LRRC4C: variants seen among roughly 807,000 people sequenced by gnomAD.
The protein encoded by LRRC4C is leucine-rich repeat-containing protein 4C.
Under a neutral mutation model 33.6 loss-of-function variants are expected in LRRC4C, and 5 were observed. The observed-to-expected ratio is 0.15, with a 90% CI of 0.08 to 0.31. The LOEUF is 0.31. Ranked by LOEUF, LRRC4C falls within the 10% of genes least tolerant of loss-of-function variation. The pLI, the probability that LRRC4C is intolerant of heterozygous loss-of-function variation, is 1.00. For synonymous variants in LRRC4C, 329 were observed against 302.0 expected, an observed-to-expected ratio of 1.09 and a Z score of -0.93; for missense variants, 560 against 796.7, an observed-to-expected ratio of 0.70 and a Z score of 3.58.
At chr11:40,182,416 A>G (rs1861082121) in intron 5 of LRRC4C, among the ~76,000 whole-genome samples, 1 of 152,174 alleles carries the variant, frequency 6.6e-6, no homozygotes, top group Non-Finnish European at 1.5e-5. Flanking sequence ...ATAAAAAAAG[A>G]GTTACTGTAT....
At chr11:40,757,983 A>T (rs1026985075) in intron 2 of LRRC4C, among the ~76,000 whole-genome samples, 6 of 152,044 alleles carry the variant, frequency 3.9e-5, no homozygotes, top group Non-Finnish European at 8.8e-5. Context: ...TGAGAGTAGG[A>T]TGCATTATGT....
intron 1 of LRRC4C, among the ~76,000 whole-genome samples, chr11:41,450,663 T>A (rs999839000): frequency 6.6e-6 from 1 of 152,110 alleles, no homozygotes; most frequent in Non-Finnish European, 1.5e-5. Flanking sequence ...TAATATATCA[T>A]CTGAAATACC....
intron 2 of LRRC4C, among the ~76,000 whole-genome samples, chr11:40,736,237 C>T (rs947439957): frequency 1.3e-5 from 2 of 151,918 alleles, no homozygotes; most frequent in African/African-American, 4.8e-5. Flanking sequence ...TTGTTCACCT[C>T]GCACTTATAA....
intron 1 of LRRC4C, among the ~76,000 whole-genome samples, chr11:41,453,734 G>T (rs1476267637): frequency 6.6e-6 from 1 of 151,788 alleles, no homozygotes; most frequent in East Asian, 1.9e-4. Flanking sequence ...ACAGTGCCTG[G>T]CACATAGAAT....
intron 1 of LRRC4C, among the ~76,000 whole-genome samples, chr11:41,135,249 A>T (rs1448910537): frequency 3.3e-5 from 5 of 152,158 alleles, no homozygotes; most frequent in Non-Finnish European, 7.4e-5. Context: ...ATTTCTGCCT[A>T]GACAAGCTTG....
At chr11:40,725,542 A>G (rs1947249600) in intron 2 of LRRC4C, among the ~76,000 whole-genome samples, 1 of 151,914 alleles carries the variant, frequency 6.6e-6, no homozygotes, top group African/African-American at 2.4e-5. Context: ...GAAGAACTGG[A>G]TAAGATCCAG....
chr11:40,860,777 C>CTTTTTTTTT (rs60307580), intron 2 of LRRC4C, among the ~76,000 whole-genome samples: 1 of 43,224 alleles, frequency 2.3e-5, no homozygotes, highest in African/African-American at 8.9e-5. Context: ...GGCTTAGGAT[C>CTTTTTTTTT]TTTTTTTTTT....
At chr11:41,249,353 C>G (rs979951886) in intron 1 of LRRC4C, among the ~76,000 whole-genome samples, 4 of 152,116 alleles carry the variant, frequency 2.6e-5, no homozygotes, top group African/African-American at 9.7e-5. Flanking sequence ...TCTTCTTATA[C>G]TTGGATTCTT....
chr11:40,578,140 GGTTTTTTTTTTT>G (rs1238607338), intron 3 of LRRC4C, among the ~76,000 whole-genome samples: 537 of 40,564 alleles, frequency 0.013, 120 homozygotes, highest in South Asian at 0.027. Context: ...TTTTTTTTTC[GGTTTTTTTTTTT>G]TTTTTTTTTT....
chr11:40,979,518 G>A (rs765753175), intron 1 of LRRC4C, among the ~76,000 whole-genome samples: 1 of 152,148 alleles, frequency 6.6e-6, no homozygotes, highest in Non-Finnish European at 1.5e-5. Context: ...CTTTCCCAGT[G>A]TAGGGAACTG....
intron 1 of LRRC4C, among the ~76,000 whole-genome samples, chr11:41,286,132 C>T (rs1365464052): frequency 6.6e-6 from 1 of 152,064 alleles, no homozygotes; most frequent in Non-Finnish European, 1.5e-5. Flanking sequence ...CCCGCCTAGT[C>T]AATCTCTTTT....
At chr11:40,565,321 T>A (rs918375685) in intron 3 of LRRC4C, among the ~76,000 whole-genome samples, 7 of 152,100 alleles carry the variant, frequency 4.6e-5, no homozygotes, top group Non-Finnish European at 7.4e-5. Flanking sequence ...AAAATAATTT[T>A]AAAAAAGCTG....
intron 2 of LRRC4C, among the ~76,000 whole-genome samples, chr11:40,832,488 G>T (rs1273598120): frequency 6.6e-6 from 1 of 152,000 alleles, no homozygotes; most frequent in Non-Finnish European, 1.5e-5. Context: ...ATAGAAACAC[G>T]ATACTTTATT....
chr11:40,483,933 G>A (rs1386252439), intron 3 of LRRC4C, among the ~76,000 whole-genome samples: 1 of 151,722 alleles, frequency 6.6e-6, no homozygotes, highest in Non-Finnish European at 1.5e-5. Flanking sequence ...ACAATTCACT[G>A]TAAAACAAAT....
At chr11:40,967,218 G>C in intron 1 of LRRC4C, among the ~76,000 whole-genome samples, 1 of 151,446 alleles carries the variant, frequency 6.6e-6, no homozygotes, top group Non-Finnish European at 1.5e-5. Flanking sequence ...GAAGAAAGAA[G>C]GAAAAAGGAA....
At chr11:40,698,196 T>C (rs1025504199) in intron 2 of LRRC4C, among the ~76,000 whole-genome samples, 2 of 152,166 alleles carry the variant, frequency 1.3e-5, no homozygotes, top group African/African-American at 2.4e-5. Flanking sequence ...CTTTTTCATA[T>C]GGTTATGCAG....
At chr11:40,685,911 C>T (rs897607437) in intron 2 of LRRC4C, among the ~76,000 whole-genome samples, 2 of 151,724 alleles carry the variant, frequency 1.3e-5, no homozygotes, top group Admixed American at 6.6e-5. Flanking sequence ...TAAAAATGAT[C>T]CTTGACTCTA....
At chr11:40,571,324 T>G in intron 3 of LRRC4C, among the ~76,000 whole-genome samples, 1 of 152,158 alleles carries the variant, frequency 6.6e-6, no homozygotes, top group East Asian at 1.9e-4. Context: ...TGTTAATTTT[T>G]TTTTAAATTT....
intron 3 of LRRC4C, among the ~76,000 whole-genome samples, chr11:40,332,712 C>T: frequency 6.6e-6 from 1 of 152,206 alleles, no homozygotes; most frequent in East Asian, 1.9e-4. Flanking sequence ...TCTCTGAACA[C>T]ATCATCTTCT....
Sources: gnomAD v4.1 joint callset for allele counts (sites outside exome capture counted in the v4.1 genomes callset) on GRCh38, gnomAD v4.1.1 for gene constraint, MANE v1.5 for transcripts, NCBI Gene and HGNC (gene_info 2026-07-23, HGNC 2026-07-21) for gene names.